The following KHDRBS2 variants were observed in gnomAD, a reference collection of about 807,000 sequenced individuals.
KHDRBS2 encodes the protein KH RNA binding domain containing, signal transduction associated 2.
A neutral mutation model predicts 44.3 loss-of-function variants in KHDRBS2; 26 were observed. That is an observed-to-expected ratio of 0.59 (90% CI 0.43 to 0.81). The LOEUF (loss-of-function observed/expected upper bound fraction) is 0.81, where lower values mean the gene tolerates loss of function less well. KHDRBS2 is among the 40% of genes least tolerant of loss of function. The pLI, the probability that KHDRBS2 is intolerant of heterozygous loss-of-function variation, is 0.00. For synonymous variants in KHDRBS2, 194 were observed against 151.1 expected (o/e 1.28, Z -2.08); for missense variants, 476 against 433.1 (o/e 1.10, Z -0.88).
At chr6:61,946,403 G>T (rs567020640) in intron 4 of KHDRBS2, among the ~76,000 whole-genome samples, 1 of 152,252 alleles carries the variant, frequency 6.6e-6, no homozygotes, top group Non-Finnish European at 1.5e-5. Flanking sequence ...CTGCTGTCTT[G>T]CTTGGCACTA....
chr6:61,854,948 T>A (rs1473896434), intron 6 of KHDRBS2, among the ~76,000 whole-genome samples: 1 of 152,150 alleles, frequency 6.6e-6, no homozygotes, highest in African/African-American at 2.4e-5. Flanking sequence ...GCTCCCCATA[T>A]TAACTAACCT....
At chr6:62,238,520 T>C (rs1034992648) in intron 1 of KHDRBS2, among the ~76,000 whole-genome samples, 2 of 152,148 alleles carry the variant, frequency 1.3e-5, no homozygotes, top group African/African-American at 2.4e-5. Context: ...CTAAACTTAG[T>C]TCTGGAGAGA....
At chr6:61,957,555 C>T (rs1466662383) in intron 4 of KHDRBS2, among the ~76,000 whole-genome samples, 3 of 152,138 alleles carry the variant, frequency 2.0e-5, no homozygotes, top group Non-Finnish European at 2.9e-5. Context: ...AAATAAGCCC[C>T]GGTCTCCCGT....
chr6:62,271,513 A>C (rs1339383249), intron 1 of KHDRBS2, among the ~76,000 whole-genome samples: 1 of 152,190 alleles, frequency 6.6e-6, no homozygotes, highest in Non-Finnish European at 1.5e-5. Context: ...TTTAAAAATT[A>C]CTTGTTAAAC....
chr6:62,247,456 G>A (rs531467744), intron 1 of KHDRBS2, among the ~76,000 whole-genome samples: 8 of 152,020 alleles, frequency 5.3e-5, no homozygotes, highest in Non-Finnish European at 1.2e-4. Flanking sequence ...TGAAGAGAAA[G>A]AGGAGATTTT....
chr6:61,835,951 G>C (rs936359885), intron 6 of KHDRBS2, among the ~76,000 whole-genome samples: 2 of 151,768 alleles, frequency 1.3e-5, no homozygotes, highest in African/African-American at 4.8e-5. Flanking sequence ...TTAAACTAGA[G>C]GATATTTCCC....
At chr6:61,642,336 A>G in the KHDRBS2 span, among the ~76,000 whole-genome samples, 2 of 152,034 alleles carry the variant, frequency 1.3e-5, no homozygotes, top group African/African-American at 4.8e-5. Flanking sequence ...GCACTGAAAT[A>G]CATAACTCTT....
chr6:62,044,379 G>T (rs1164553535), intron 3 of KHDRBS2, among the ~76,000 whole-genome samples: 3 of 151,944 alleles, frequency 2.0e-5, no homozygotes, highest in East Asian at 3.9e-4. Context: ...GGGAGGCTGA[G>T]GTGGAAATAT....
chr6:61,854,238 T>A (rs1795850574), intron 6 of KHDRBS2, among the ~76,000 whole-genome samples: 1 of 152,158 alleles, frequency 6.6e-6, no homozygotes, highest in East Asian at 1.9e-4. Flanking sequence ...TTTTAACATC[T>A]TTGACTTGTA....
intron 4 of KHDRBS2, among the ~76,000 whole-genome samples, chr6:61,962,981 T>A (rs1216359002): frequency 1.3e-5 from 2 of 152,100 alleles, no homozygotes; most frequent in African/African-American, 4.8e-5. Context: ...GTCTCAATGC[T>A]AAATATTTGT....
intron 8 of KHDRBS2, among the ~76,000 whole-genome samples, chr6:61,692,332 G>A (rs1561975807): frequency 6.6e-6 from 1 of 151,838 alleles, no homozygotes. Context: ...AATGTTAATA[G>A]TAACCAATTG....
chr6:62,267,409 A>T (rs1839381280), intron 1 of KHDRBS2, among the ~76,000 whole-genome samples: 1 of 152,024 alleles, frequency 6.6e-6, no homozygotes, highest in Non-Finnish European at 1.5e-5. Context: ...CCCATCAGAA[A>T]CAGTCTTTTA....
chr6:61,778,418 A>T (rs1445110375), intron 6 of KHDRBS2, among the ~76,000 whole-genome samples: 1 of 152,106 alleles, frequency 6.6e-6, no homozygotes, highest in South Asian at 2.1e-4. Flanking sequence ...AGAGGTGATA[A>T]TTTACCCAAA....
At chr6:61,635,848 T>C in the KHDRBS2 span, among the ~76,000 whole-genome samples, 1 of 152,032 alleles carries the variant, frequency 6.6e-6, no homozygotes, top group Admixed American at 6.6e-5. Context: ...CATCTTTTCC[T>C]TTACCATTCT....
intron 2 of KHDRBS2, among the ~76,000 whole-genome samples, chr6:62,052,824 C>T (rs867357667): frequency 2.6e-4 from 39 of 152,132 alleles, no homozygotes; most frequent in Middle Eastern, 3.4e-3. Flanking sequence ...GTAATGCTGG[C>T]TTGCTAGCTG....
At chr6:61,688,490 AT>A (rs1767050177) in intron 8 of KHDRBS2, among the ~76,000 whole-genome samples, 1 of 151,956 alleles carries the variant, frequency 6.6e-6, no homozygotes, top group African/African-American at 2.4e-5. Context: ...GTAATATGGT[AT>A]AATTCTCTTC....
chr6:62,067,126 C>A (rs560093186), intron 2 of KHDRBS2, among the ~76,000 whole-genome samples: 1 of 151,394 alleles, frequency 6.6e-6, no homozygotes. Context: ...GGGGACTGAG[C>A]AGATTACTTA....
chr6:61,824,454 C>A (rs146872561), intron 6 of KHDRBS2, among the ~76,000 whole-genome samples: 1,687 of 152,136 alleles, frequency 0.011, 15 homozygotes, highest in Middle Eastern at 0.024. Context: ...TTCCTAAGGC[C>A]TCCCAGCCAT....
At chr6:61,955,093 T>C (rs1562516467) in intron 4 of KHDRBS2, among the ~76,000 whole-genome samples, 2 of 123,792 alleles carry the variant, frequency 1.6e-5, no homozygotes, top group East Asian at 2.7e-4. Flanking sequence ...TATGCATACA[T>C]ATATGTATAT....
Sources: gnomAD v4.1 joint callset for allele counts (sites outside exome capture counted in the v4.1 genomes callset) on GRCh38, gnomAD v4.1.1 for gene constraint, MANE v1.5 for transcripts, NCBI Gene and HGNC (gene_info 2026-07-23, HGNC 2026-07-21) for gene names.